The following CCDC25 variants were observed in gnomAD, a reference collection of about 807,000 sequenced individuals.
CCDC25 encodes coiled-coil domain containing 25.
A neutral mutation model predicts 35.3 loss-of-function variants in CCDC25; 16 were observed. The observed-to-expected ratio is 0.45, with a 90% CI of 0.31 to 0.69. The LOEUF (loss-of-function observed/expected upper bound fraction) is 0.69. Among genes scored for constraint, CCDC25 ranks in the 30% least tolerant of loss-of-function variants. CCDC25 has a pLI of 0.06. For missense variants in CCDC25, 179 were observed against 250.7 expected (o/e 0.71, Z 1.93); for synonymous variants, 79 against 80.3 (o/e 0.98, Z 0.09).
chr8:27,755,650 C>A (rs185544058), intron 4 of CCDC25, among the ~76,000 whole-genome samples: 3 of 152,274 alleles, frequency 2.0e-5, no homozygotes, highest in Admixed American at 2.0e-4. Context: ...ACTGGCCAGG[C>A]CATCAAGGCT....
intron 1 of CCDC25, among the ~76,000 whole-genome samples, chr8:27,766,735 T>C (rs1804413483): frequency 6.6e-6 from 1 of 152,156 alleles, no homozygotes; most frequent in South Asian, 2.1e-4. Context: ...CAAGCAATAA[T>C]CTTTTTACAA....
chr8:27,762,543 C>G, intron 2 of CCDC25, 85 bp from the exon 3 acceptor site: 1 of 1,214,940 alleles, frequency 8.2e-7, no homozygotes, highest in Non-Finnish European at 1.2e-6. Flanking sequence ...GAAATGTCAG[C>G]TCCTCCCACA....
intron 3 of CCDC25, among the ~76,000 whole-genome samples, chr8:27,758,457 T>C (rs1229749269): frequency 1.3e-5 from 2 of 152,224 alleles, no homozygotes; most frequent in Non-Finnish European, 2.9e-5. Context: ...GAAATGGACA[T>C]AACATCTTAT....
chr8:27,734,356 T>C lies in CCDC25; in HGVS notation c.*1860A>G, dbSNP rs1455806196. The C allele has an allele frequency of 1.3e-5, 2 of 152,192 alleles. No homozygotes were observed. Among genetic ancestry groups the C allele is most frequent in the Non-Finnish European group, 2.9e-5 (2 of 68,032 alleles). The allele number at this position is 152,192 out of a possible 1,614,324, so 9.4% of individuals were successfully genotyped here. A position where few individuals can be genotyped will look rare whatever the true frequency, so the allele number is the denominator to read the frequency against. Reference sequence around the variant, plus strand: ...AGTGACTCAGACCCACAGCACAGATTTGATCAAGGGCACAGCTCATAAAAA... The same window carrying C: ...AGTGACTCAGACCCACAGCACAGATCTGATCAAGGGCACAGCTCATAAAAA... On this transcript the variant is annotated 3_prime_UTR_variant, in exon 9 of 9. Coordinates refer to ENST00000356537, the MANE Select transcript of CCDC25 (RefSeq NM_018246.3).
chr8:27,760,787 G>A (rs569778534), intron 3 of CCDC25, among the ~76,000 whole-genome samples: 1 of 152,200 alleles, frequency 6.6e-6, no homozygotes, highest in South Asian at 2.1e-4. Flanking sequence ...TAGAAGACAG[G>A]TTTTTGTGCT....
At chr8:27,754,163 C>T (rs1266005724) in intron 4 of CCDC25, among the ~76,000 whole-genome samples, 1 of 151,872 alleles carries the variant, frequency 6.6e-6, no homozygotes, top group African/African-American at 2.4e-5. Context: ...AAAAATAAAA[C>T]CAGAAGGTAG....
intron 4 of CCDC25, among the ~76,000 whole-genome samples, chr8:27,755,084 T>C (rs139943648): frequency 6.6e-6 from 1 of 152,274 alleles, no homozygotes; most frequent in East Asian, 1.9e-4. Context: ...TACATGCACA[T>C]GAACAGCCAA....
intron 1 of CCDC25, among the ~76,000 whole-genome samples, chr8:27,766,441 T>C (rs1804402516): frequency 6.6e-6 from 1 of 152,170 alleles, no homozygotes; most frequent in African/African-American, 2.4e-5. Flanking sequence ...AATTCCTTTG[T>C]TTAACATTTA....
In CCDC25 at chr8:27,737,873, T is replaced by TACACACAC. The variant is rs1205509698; in HGVS notation, c.598-1629_598-1628insGTGTGTGT. On this transcript the variant is annotated intron_variant, in intron 8 of 8. Transcript: ENST00000356537. This position sits in a 1 kb window ranked among gnomAD's most constrained non-coding sequence, Gnocchi z 4.6. ...GTGGATAAAGAAACTGTGGTGTGTG[T>TACACACAC]ATACACACACTCACACACACACACA... Among the ~76,000 whole-genome samples the TACACACAC allele has an allele frequency of 1.9e-5, 2 of 107,600 alleles. No individual in the cohort carries two copies. Among genetic ancestry groups the TACACACAC allele is most frequent in the East Asian group, 2.7e-4 (1 of 3,706 alleles). The allele number at this position is 107,600 out of a possible 152,430, so 70.6% of individuals were successfully genotyped here.
chr8:27,745,602 G>A (rs532007160), intron 7 of CCDC25, among the ~76,000 whole-genome samples: 3 of 152,344 alleles, frequency 2.0e-5, no homozygotes, highest in East Asian at 3.9e-4. Flanking sequence ...ACTGCAAAAT[G>A]TATAAAAACA....
In CCDC25 at chr8:27,738,636, T is replaced by G. The variant is rs1350494592; in HGVS notation, c.597+1836A>C. Among the ~76,000 whole-genome samples the G allele has an allele frequency of 2.0e-5, 3 of 151,610 alleles. No individual in the cohort carries two copies. The East Asian group carries it at 5.8e-4, about 29-fold the overall frequency. On this transcript the variant is annotated intron_variant, in intron 8 of 8. Transcript: ENST00000356537. Reference sequence around the variant, plus strand: ...TGTGTGTGTGTGTGTATTTGTTTATTTCTCAACTCTAGAATTATATACAAG... The same window carrying G: ...TGTGTGTGTGTGTGTATTTGTTTATGTCTCAACTCTAGAATTATATACAAG...
chr8:27,765,968 A>G (rs1046808305), intron 1 of CCDC25, among the ~76,000 whole-genome samples: 1 of 152,190 alleles, frequency 6.6e-6, no homozygotes, highest in Non-Finnish European at 1.5e-5. Flanking sequence ...CAACTATCCT[A>G]ACTCAAATGG....
In CCDC25 at chr8:27,755,866, G is replaced by A. The variant is rs555357268; in HGVS notation, c.168+853C>T. On this transcript the variant is annotated intron_variant, in intron 4 of 8. Transcript: ENST00000356537. ...GTCAAGGTCATAAAAAACAGAGAAA[G>A]AATGAGAAATTGTGATAGACTAGAG... Among the ~76,000 whole-genome samples the A allele has an allele frequency of 3.3e-5, 5 of 152,256 alleles. No homozygotes were observed. The South Asian group carries it at 6.2e-4, about 19-fold the overall frequency.
Position 27,756,773 on chromosome 8 carries a change from A to G in CCDC25, c.117-3T>C. On this transcript the variant is annotated splice_region_variant and splice_polypyrimidine_tract_variant and intron_variant, in intron 3 of 8. Coordinates refer to ENST00000356537, the MANE Select transcript of CCDC25 (RefSeq NM_018246.3). Reference sequence around the variant, plus strand: ...AAGAGAGTTTGTCCACATGAAACCTACAAAGAATGAAAACCACTTTTAGCA... The same window carrying G: ...AAGAGAGTTTGTCCACATGAAACCTGCAAAGAATGAAAACCACTTTTAGCA... The G allele has an allele frequency of 6.2e-7, 1 of 1,610,228 alleles. No homozygotes were observed. Among genetic ancestry groups the G allele is most frequent in the Non-Finnish European group, 8.5e-7 (1 of 1,176,508 alleles).
chr8:27,749,821 G>A (rs939283654), intron 5 of CCDC25, among the ~76,000 whole-genome samples: 5 of 152,108 alleles, frequency 3.3e-5, no homozygotes, highest in African/African-American at 1.2e-4. Context: ...TTCTTCAGAA[G>A]GACATGTTCA....
Position 27,756,753 on chromosome 8 carries a change from A to C in CCDC25, c.134T>G (p.Leu45Arg). The part of the protein sequence containing the change: ...PEDIWFHVDK[L>R]SSAHVYLRLH... ...TCGAAGGTATACATGAGCCGAAGAG[A>C]GTTTGTCCACATGAAACCTACAAAG... The change falls in exon 4 of 9, where the codon CTC becomes CGC. Residue 45 changes from leucine to arginine, a missense_variant. By Grantham distance (102) the Leu-to-Arg change is moderately radical (BLOSUM62 -2). Coordinates refer to ENST00000356537, the MANE Select transcript of CCDC25 (RefSeq NM_018246.3). The C allele has an allele frequency of 6.2e-7, 1 of 1,613,022 alleles. No individual in the cohort carries two copies.
At chr8:27,769,258 A>C (rs1172579015) in intron 1 of CCDC25, among the ~76,000 whole-genome samples, 2 of 152,198 alleles carry the variant, frequency 1.3e-5, no homozygotes, top group Admixed American at 1.3e-4. Context: ...TAGAGGCCAA[A>C]TATTTTTCTA....
At chr8:27,738,945 G>A (rs200389129) in intron 8 of CCDC25, among the ~76,000 whole-genome samples, 1 of 151,548 alleles carries the variant, frequency 6.6e-6, no homozygotes, top group Non-Finnish European at 1.5e-5. Flanking sequence ...TCTGGATAAG[G>A]TATGACTATT....
At chr8:27,744,763 C>G (rs1032875991) in intron 7 of CCDC25, among the ~76,000 whole-genome samples, 9 of 152,208 alleles carry the variant, frequency 5.9e-5, no homozygotes, top group African/African-American at 1.7e-4. Flanking sequence ...AAAGGAAGCA[C>G]GATAGACTAT....
Sources: gnomAD v4.1 joint callset for allele counts (sites outside exome capture counted in the v4.1 genomes callset) on GRCh38, gnomAD v4.1.1 for gene constraint, Gnocchi (gnomAD v3.1) non-coding constraint, MANE v1.5 for transcripts, NCBI Gene and HGNC (gene_info 2026-07-23, HGNC 2026-07-21) for gene names.